Variants in SMCO2 observed in about 807,000 individuals in gnomAD.
SMCO2 encodes the protein single-pass membrane and coiled-coil domain-containing protein 2.
Under a neutral mutation model 29.5 loss-of-function variants are expected in SMCO2, and 25 were observed. That is an observed-to-expected ratio of 0.85 (90% CI 0.62 to 1.18). The LOEUF (loss-of-function observed/expected upper bound fraction) is 1.18. SMCO2 is among the 50% of genes most tolerant of loss of function. The pLI is 0.00. For synonymous variants in SMCO2, 117 were observed against 123.3 expected, an observed-to-expected ratio of 0.95 and a Z score of 0.34; for missense variants, 348 against 344.5, an observed-to-expected ratio of 1.01 and a Z score of -0.08.
At chr12:27,455,742 G>A in the SMCO2 span, among the ~76,000 whole-genome samples, 6 of 152,194 alleles carry the variant, frequency 3.9e-5, no homozygotes, top group African/African-American at 1.2e-4. Context: ...TTCAGGAATA[G>A]GAGGAATCAA....
In SMCO2 at chr12:27,479,776, C is replaced by T. The variant is rs550701250; in HGVS notation, c.362+4863C>T. Among the ~76,000 whole-genome samples, 15 of 152,290 alleles carry T rather than the reference C, an allele frequency of 9.8e-5. 1 individual carries two copies. In the South Asian group the frequency reaches 3.1e-3, roughly 32 times the overall value. ...CTCTCTTGCCTGCCACCATGTAAGA[C>T]ATCCCTTTGCTCTTCCTTCATCTTC... On this transcript the variant is annotated intron_variant, in intron 4 of 7. Coordinates refer to ENST00000298876, the Ensembl canonical transcript of SMCO2.
the SMCO2 span, among the ~76,000 whole-genome samples, chr12:27,449,477 C>A: frequency 1.8e-4 from 28 of 152,292 alleles, 1 homozygote; most frequent in African/African-American, 5.3e-4. Flanking sequence ...CAGGAAACTG[C>A]TTATGGAGGG....
chr12:27,467,302 C>T (rs892868969), intron 1 of SMCO2, among the ~76,000 whole-genome samples: 4 of 151,994 alleles, frequency 2.6e-5, no homozygotes, highest in Non-Finnish European at 4.4e-5. Flanking sequence ...ACCAAACAAT[C>T]CTAGAAAGCC....
intron 4 of SMCO2, among the ~76,000 whole-genome samples, chr12:27,479,551 A>T (rs1309017825): frequency 6.6e-6 from 1 of 152,160 alleles, no homozygotes; most frequent in Admixed American, 6.5e-5. Flanking sequence ...TCATATGATG[A>T]CATGGTGATA....
rs146200359 is a variant in SMCO2 at position 27,498,169 on chromosome 12, G to A, written c.683+2314G>A. ...ACCGGTTGAGTGACAACATCTTCTC[G>A]TTTGACAAAATGCTAGATGACAGAG... On this transcript the variant is annotated intron_variant, in intron 7 of 7. Coordinates refer to ENST00000298876, the Ensembl canonical transcript of SMCO2. The A allele has an allele frequency of 1.4e-4, 49 of 353,066 alleles. 4 individuals carry two copies. The highest frequency in any genetic ancestry group is 8.7e-4 in the African/African-American group (39 of 44,840). The allele number at this position is 353,066 out of a possible 1,614,324, so 21.9% of individuals were successfully genotyped here.
intron 4 of SMCO2, among the ~76,000 whole-genome samples, chr12:27,487,600 A>G (rs1272746439): frequency 4.6e-5 from 7 of 152,218 alleles, no homozygotes; most frequent in Admixed American, 3.3e-4. Flanking sequence ...TTGCTGGGTC[A>G]TATGGTAAGT....
intron 5 of SMCO2, among the ~76,000 whole-genome samples, chr12:27,491,456 A>G (rs934113074): frequency 7.2e-5 from 11 of 152,216 alleles, no homozygotes; most frequent in African/African-American, 2.7e-4. Flanking sequence ...TAAATAAACT[A>G]GGATACCAAA....
chr12:27,494,809 A>T (rs1007637458), intron 6 of SMCO2, among the ~76,000 whole-genome samples: 4 of 151,926 alleles, frequency 2.6e-5, no homozygotes, highest in Admixed American at 1.3e-4. Flanking sequence ...TTCTAGTCTT[A>T]TGGCCTTCCT....
At chr12:27,428,221 G>A in the SMCO2 span, among the ~76,000 whole-genome samples, 1 of 152,168 alleles carries the variant, frequency 6.6e-6, no homozygotes, top group Admixed American at 6.5e-5. Context: ...TGGTCCCCAG[G>A]CAAGGAGTGG....
intron 5 of SMCO2, 78 bp downstream of exon 6, chr12:27,488,625 T>C: frequency 1.9e-6 from 2 of 1,075,796 alleles, no homozygotes; most frequent in Non-Finnish European, 2.6e-6. Flanking sequence ...CTATTGTTAA[T>C]AGGCAATAAC....
the SMCO2 span, among the ~76,000 whole-genome samples, chr12:27,448,349 C>T: frequency 1.1e-4 from 17 of 152,172 alleles, no homozygotes; most frequent in African/African-American, 7.2e-5. Context: ...GAGTGCCCTC[C>T]GCCTTAGTTC....
the SMCO2 span, among the ~76,000 whole-genome samples, chr12:27,450,202 CT>C: frequency 2.3e-3 from 350 of 152,318 alleles, no homozygotes; most frequent in African/African-American, 8.0e-3. Context: ...AAAACATATT[CT>C]CCTCAAGGCT....
the SMCO2 span, chr12:27,424,743 C>T: frequency 6.6e-6 from 1 of 152,178 alleles, no homozygotes; most frequent in Non-Finnish European, 1.5e-5. Flanking sequence ...ATGTTACGGG[C>T]AGACAGGCCG....
intron 5 of SMCO2, among the ~76,000 whole-genome samples, chr12:27,493,048 C>T (rs1465997755): frequency 2.6e-5 from 4 of 152,062 alleles, no homozygotes; most frequent in Non-Finnish European, 4.4e-5. Flanking sequence ...TGGATGGAGC[C>T]GGAGGTTGTC....
At chr12:27,430,149 G>A in the SMCO2 span, among the ~76,000 whole-genome samples, 9 of 152,122 alleles carry the variant, frequency 5.9e-5, no homozygotes, top group African/African-American at 7.2e-5. Context: ...CATTACCATC[G>A]ATTAAGTTCT....
chr12:27,482,806 C>T (rs1254071163), intron 4 of SMCO2, among the ~76,000 whole-genome samples: 1 of 152,234 alleles, frequency 6.6e-6, no homozygotes, highest in African/African-American at 2.4e-5. Flanking sequence ...TCACAGCTCA[C>T]TGCTCAACCT....
At chr12:27,435,380 C>T in the SMCO2 span, among the ~76,000 whole-genome samples, 1 of 146,262 alleles carries the variant, frequency 6.8e-6, no homozygotes, top group Non-Finnish European at 1.5e-5. Context: ...ATCCCCGCCC[C>T]CATAATGAAG....
chr12:27,439,899 C>A, the SMCO2 span, among the ~76,000 whole-genome samples: 1 of 152,180 alleles, frequency 6.6e-6, no homozygotes, highest in South Asian at 2.1e-4. Context: ...TAAGAGGAAA[C>A]TGAGGAACAG....
intron 1 of SMCO2, among the ~76,000 whole-genome samples, chr12:27,469,971 C>T (rs1350489202): frequency 6.6e-6 from 1 of 152,208 alleles, no homozygotes; most frequent in African/African-American, 2.4e-5. Context: ...CCTTAAAAAT[C>T]TGGTCAAACT....
Sources: gnomAD v4.1 joint callset for allele counts (sites outside exome capture counted in the v4.1 genomes callset) on GRCh38, gnomAD v4.1.1 for gene constraint, MANE v1.5 for transcripts, NCBI Gene and HGNC (gene_info 2026-07-23, HGNC 2026-07-21) for gene names.